Variants in GPC5 observed in about 807,000 individuals in gnomAD.
GPC5 encodes glypican-5.
GPC5 carries 47 observed loss-of-function variants against 53.9 expected under a neutral mutation model. That is an observed-to-expected ratio of 0.87 (90% confidence interval 0.69 to 1.11). GPC5 has a LOEUF of 1.11. Among genes scored for constraint, GPC5 ranks in the 50% most tolerant of loss-of-function variants. The pLI is 0.00. For synonymous variants in GPC5, 286 were observed against 263.3 expected, an observed-to-expected ratio of 1.09 and a Z score of -0.84; for missense variants, 748 against 713.1, an observed-to-expected ratio of 1.05 and a Z score of -0.56.
At chr13:92,208,290 C>T (rs2139071138) in intron 7 of GPC5, among the ~76,000 whole-genome samples, 1 of 152,300 alleles carries the variant, frequency 6.6e-6, no homozygotes, top group African/African-American at 2.4e-5. Context: ...GGGTCCCGCC[C>T]CATATGGGTA....
intron 7 of GPC5, among the ~76,000 whole-genome samples, chr13:92,849,431 A>T (rs1390234529): frequency 6.6e-6 from 1 of 152,242 alleles, no homozygotes; most frequent in African/African-American, 2.4e-5. Flanking sequence ...AAATGTAATA[A>T]GCATCACAAT....
At chr13:92,567,887 C>T (rs77272958) in intron 7 of GPC5, among the ~76,000 whole-genome samples, 3,112 of 152,202 alleles carry the variant, frequency 0.02, 48 homozygotes, top group Non-Finnish European at 0.033. Context: ...AAAACTAATA[C>T]ATTGGTTTCT....
chr13:91,409,302 T>TAAA (rs1221074166), intron 1 of GPC5, among the ~76,000 whole-genome samples: 1 of 152,070 alleles, frequency 6.6e-6, no homozygotes, highest in Non-Finnish European at 1.5e-5. Context: ...TTGATCAACT[T>TAAA]AAAAGGTAAA....
At chr13:91,944,064 T>C (rs974137720) in intron 6 of GPC5, among the ~76,000 whole-genome samples, 5 of 152,068 alleles carry the variant, frequency 3.3e-5, no homozygotes, top group African/African-American at 1.2e-4. Flanking sequence ...TTTTGATTTT[T>C]GTGGCAGGAT....
At chr13:92,173,537 A>G (rs1439770326) in intron 7 of GPC5, among the ~76,000 whole-genome samples, 1 of 152,142 alleles carries the variant, frequency 6.6e-6, no homozygotes, top group African/African-American at 2.4e-5. Flanking sequence ...CTCTTAATGA[A>G]ATACTTTCTA....
intron 6 of GPC5, among the ~76,000 whole-genome samples, chr13:91,949,333 A>AATATTACAAAT (rs1221635085): frequency 6.6e-6 from 1 of 152,218 alleles, no homozygotes; most frequent in East Asian, 1.9e-4. Context: ...TCAAACTATG[A>AATATTACAAAT]ATATTACAAA....
At chr13:91,585,129 A>G (rs188473076) in intron 2 of GPC5, among the ~76,000 whole-genome samples, 2 of 152,330 alleles carry the variant, frequency 1.3e-5, no homozygotes, top group African/African-American at 4.8e-5. Flanking sequence ...AGAAATGCAA[A>G]TTAATGGCTC....
At chr13:92,534,949 T>C (rs1040531425) in intron 7 of GPC5, among the ~76,000 whole-genome samples, 15 of 152,208 alleles carry the variant, frequency 9.9e-5, no homozygotes, top group Non-Finnish European at 2.2e-4. Context: ...ACGATACCTA[T>C]GTAATCATTT....
At chr13:92,404,416 C>T (rs1486105320) in intron 7 of GPC5, among the ~76,000 whole-genome samples, 1 of 152,106 alleles carries the variant, frequency 6.6e-6, no homozygotes, top group Non-Finnish European at 1.5e-5. Flanking sequence ...ATCTTAGGAC[C>T]ATCTGCCCAA....
At chr13:92,164,248 T>C (rs2042011301) in intron 7 of GPC5, among the ~76,000 whole-genome samples, 1 of 152,118 alleles carries the variant, frequency 6.6e-6, no homozygotes, top group Admixed American at 6.5e-5. Context: ...CACTCCAGCA[T>C]TAACCCAAAT....
At chr13:92,437,181 ACAGTCACC>A in intron 7 of GPC5, among the ~76,000 whole-genome samples, 1 of 152,198 alleles carries the variant, frequency 6.6e-6, no homozygotes, top group African/African-American at 2.4e-5. Flanking sequence ...GAAAACTAAG[ACAGTCACC>A]CAGGGATGTA....
chr13:91,701,837 G>A (rs551011899), intron 3 of GPC5, among the ~76,000 whole-genome samples: 1 of 152,106 alleles, frequency 6.6e-6, no homozygotes, highest in Non-Finnish European at 1.5e-5. Flanking sequence ...GTAGCATATG[G>A]TAGTTCTATT....
chr13:91,815,796 G>A (rs1389454367), intron 5 of GPC5, among the ~76,000 whole-genome samples: 1 of 152,108 alleles, frequency 6.6e-6, no homozygotes, highest in Non-Finnish European at 1.5e-5. Context: ...TTTTTCTTGA[G>A]TTAGACATAT....
chr13:92,807,589 C>T (rs1037219591), intron 7 of GPC5, among the ~76,000 whole-genome samples: 1 of 152,002 alleles, frequency 6.6e-6, no homozygotes. Context: ...AAAGCAACCG[C>T]GTTTGTTTCT....
At chr13:91,845,361 T>C (rs746333756) in intron 5 of GPC5, among the ~76,000 whole-genome samples, 1 of 152,272 alleles carries the variant, frequency 6.6e-6, no homozygotes, top group East Asian at 1.9e-4. Flanking sequence ...GACAAAACTG[T>C]ACATATTTAA....
intron 6 of GPC5, among the ~76,000 whole-genome samples, chr13:92,002,974 A>G (rs1405654440): frequency 6.6e-6 from 1 of 152,196 alleles, no homozygotes; most frequent in Non-Finnish European, 1.5e-5. Context: ...GAAGAGTAGG[A>G]AACCCTGAGG....
intron 7 of GPC5, among the ~76,000 whole-genome samples, chr13:92,645,794 T>A (rs1885749058): frequency 6.6e-6 from 1 of 152,148 alleles, no homozygotes; most frequent in Admixed American, 6.5e-5. Context: ...TTGATCATTT[T>A]TTTATTTGTC....
chr13:91,828,888 T>C (rs1449398472), intron 5 of GPC5, among the ~76,000 whole-genome samples: 3 of 152,036 alleles, frequency 2.0e-5, no homozygotes, highest in African/African-American at 7.2e-5. Flanking sequence ...CACTAAATTG[T>C]AGGTATAATA....
At chr13:92,185,653 C>A (rs966632336) in intron 7 of GPC5, among the ~76,000 whole-genome samples, 1 of 151,976 alleles carries the variant, frequency 6.6e-6, no homozygotes. Flanking sequence ...ATAAATTTAA[C>A]TCCAGCTAAG....
Sources: allele counts gnomAD v4.1 joint callset (sites outside exome capture counted in the v4.1 genomes callset), GRCh38; gene constraint gnomAD v4.1.1; transcripts MANE v1.5; gene names NCBI Gene and HGNC (gene_info 2026-07-23, HGNC 2026-07-21).